The following AUTS2 variants were observed in gnomAD, a reference collection of about 807,000 sequenced individuals.
AUTS2 encodes the protein activator of transcription and developmental regulator AUTS2.
In AUTS2, 17 loss-of-function variants were observed where a neutral mutation model predicts 112.4. The ratio of observed to expected loss-of-function variants is 0.15; its 90% CI spans 0.10 to 0.23. The LOEUF is 0.23. AUTS2 is among the 10% of genes least tolerant of loss of function. The pLI is 1.00. For synonymous variants in AUTS2, 751 were observed against 702.7 expected (o/e 1.07, Z -1.09); for missense variants, 1,510 against 1,701.6 (o/e 0.89, Z 1.98).
At chr7:70,658,700 C>T (rs1036211724) in intron 5 of AUTS2, among the ~76,000 whole-genome samples, 4 of 152,176 alleles carry the variant, frequency 2.6e-5, no homozygotes, top group African/African-American at 7.2e-5. Flanking sequence ...ACTTTCTCTA[C>T]AGTTTAGTAC....
intron 2 of AUTS2, among the ~76,000 whole-genome samples, chr7:70,052,835 A>G (rs1475375414): frequency 3.3e-5 from 5 of 152,216 alleles, no homozygotes; most frequent in Non-Finnish European, 5.9e-5. Context: ...TTTGGCAGCT[A>G]TACAGACATT....
At chr7:70,644,869 T>TG (rs1297779615) in intron 5 of AUTS2, among the ~76,000 whole-genome samples, 1 of 152,204 alleles carries the variant, frequency 6.6e-6, no homozygotes, top group Non-Finnish European at 1.5e-5. Context: ...TAGTAGACCT[T>TG]GGGTGAAGGA....
At chr7:70,033,936 T>G (rs1017970258) in intron 2 of AUTS2, among the ~76,000 whole-genome samples, 6 of 152,148 alleles carry the variant, frequency 3.9e-5, no homozygotes, top group South Asian at 4.1e-4. Flanking sequence ...TATTGTATAT[T>G]TTTTAAAAGC....
At chr7:70,056,806 A>G (rs1802014306) in intron 2 of AUTS2, among the ~76,000 whole-genome samples, 1 of 152,176 alleles carries the variant, frequency 6.6e-6, no homozygotes, top group Non-Finnish European at 1.5e-5. Flanking sequence ...ATCAGTGTGG[A>G]TGGTGGAGTC....
chr7:70,517,502 G>C (rs551219636), intron 5 of AUTS2, among the ~76,000 whole-genome samples: 43 of 149,266 alleles, frequency 2.9e-4, no homozygotes, highest in African/African-American at 1.0e-3. Context: ...AGTGTTTTGG[G>C]GCAAATTGTA....
At chr7:70,099,238 A>G (rs549093990) in intron 2 of AUTS2, among the ~76,000 whole-genome samples, 1 of 152,310 alleles carries the variant, frequency 6.6e-6, no homozygotes, top group East Asian at 1.9e-4. Flanking sequence ...AATCTGGTAC[A>G]TGTTCTTGTG....
chr7:70,076,911 G>A (rs1803062935), intron 2 of AUTS2, among the ~76,000 whole-genome samples: 1 of 152,176 alleles, frequency 6.6e-6, no homozygotes, highest in Non-Finnish European at 1.5e-5. Flanking sequence ...AGTTATCCAG[G>A]TGGTTGAAGG....
intron 5 of AUTS2, among the ~76,000 whole-genome samples, chr7:70,556,423 G>A (rs1801252403): frequency 6.6e-6 from 1 of 152,186 alleles, no homozygotes; most frequent in South Asian, 2.1e-4. Flanking sequence ...TTGCAGTATT[G>A]TTGTGAAATA....
At chr7:70,382,983 T>G (rs1169355132) in intron 4 of AUTS2, among the ~76,000 whole-genome samples, 1 of 152,222 alleles carries the variant, frequency 6.6e-6, no homozygotes, top group East Asian at 1.9e-4. Context: ...GTATACACAA[T>G]TTATGAAGTC....
At chr7:70,547,919 G>A (rs559759217) in intron 5 of AUTS2, among the ~76,000 whole-genome samples, 1 of 152,240 alleles carries the variant, frequency 6.6e-6, no homozygotes, top group Admixed American at 6.5e-5. Flanking sequence ...CATTTCCCCA[G>A]TAATTTAGGT....
At chr7:70,455,981 C>T (rs1796723088) in intron 5 of AUTS2, among the ~76,000 whole-genome samples, 2 of 152,196 alleles carry the variant, frequency 1.3e-5, no homozygotes, top group Admixed American at 1.3e-4. Flanking sequence ...TGTCAGTCAC[C>T]TACCGGCCTC....
chr7:69,683,186 A>G (rs752896666), intron 1 of AUTS2, among the ~76,000 whole-genome samples: 3 of 152,158 alleles, frequency 2.0e-5, no homozygotes, highest in Admixed American at 6.5e-5. Context: ...TAGCCCATGA[A>G]AAACTGGCCC....
intron 5 of AUTS2, among the ~76,000 whole-genome samples, chr7:70,632,297 G>A (rs148982588): frequency 2.8e-4 from 43 of 152,244 alleles, no homozygotes; most frequent in African/African-American, 7.0e-4. Flanking sequence ...AGGCCCCAGC[G>A]AAAGGCAGCC....
At position 70,729,131 on chromosome 7, in the gene AUTS2, C is replaced by T. The variant is rs1332305010; in HGVS notation, c.742+30511C>T. On this transcript the variant is annotated intron_variant, in intron 6 of 18. Coordinates refer to ENST00000342771, the MANE Select transcript of AUTS2 (RefSeq NM_015570.4). Reference sequence around the variant, plus strand: ...ATGGGGCGAAAACGACGGCCACACCCTCCATCACTCTTTTTCTCCTGGTGC... The same window carrying T: ...ATGGGGCGAAAACGACGGCCACACCTTCCATCACTCTTTTTCTCCTGGTGC... 5 of 456,436 alleles carry T rather than the reference C, an allele frequency of 1.1e-5. No homozygotes were observed. In the East Asian group the frequency reaches 3.5e-4, roughly 32 times the overall value. The allele number at this position is 456,436 out of a possible 1,614,324, so 28.3% of individuals were successfully genotyped here.
At chr7:70,715,522 CTTTTCT>C (rs1810315049) in intron 6 of AUTS2, among the ~76,000 whole-genome samples, 1 of 149,246 alleles carries the variant, frequency 6.7e-6, no homozygotes, top group Non-Finnish European at 1.5e-5. Flanking sequence ...CTTTTCTTTT[CTTTTCT>C]TTTCTTTTCT....
chr7:69,746,100 C>G (rs1787487600), intron 1 of AUTS2, among the ~76,000 whole-genome samples: 1 of 152,052 alleles, frequency 6.6e-6, no homozygotes, highest in African/African-American at 2.4e-5. Flanking sequence ...ATCTTGAAAT[C>G]CTGGCCTCAA....
chr7:69,862,318 G>A (rs1584355320), intron 1 of AUTS2, among the ~76,000 whole-genome samples: 1 of 152,188 alleles, frequency 6.6e-6, no homozygotes, highest in South Asian at 2.1e-4. Context: ...TGTTACAACA[G>A]GTACCAAGGA....
At chr7:69,923,455 A>G (rs911512363) in intron 2 of AUTS2, among the ~76,000 whole-genome samples, 1 of 152,164 alleles carries the variant, frequency 6.6e-6, no homozygotes, top group Non-Finnish European at 1.5e-5. Context: ...TCTTTTCACT[A>G]GCGTATGACT....
intron 4 of AUTS2, among the ~76,000 whole-genome samples, chr7:70,350,455 C>T (rs1791695996): frequency 6.6e-6 from 1 of 152,140 alleles, no homozygotes; most frequent in Non-Finnish European, 1.5e-5. Flanking sequence ...ACAATCATGG[C>T]ACAAGGTGCG....
Sources: gnomAD v4.1 joint callset for allele counts (sites outside exome capture counted in the v4.1 genomes callset) on GRCh38, gnomAD v4.1.1 for gene constraint, MANE v1.5 for transcripts, NCBI Gene and HGNC (gene_info 2026-07-23, HGNC 2026-07-21) for gene names.